ORC5: variants seen among roughly 807,000 people sequenced by gnomAD.
ORC5 encodes protein phosphatase 1, regulatory subunit 117.
Under a neutral mutation model 58.8 loss-of-function variants are expected in ORC5, and 39 were observed. The ratio of observed to expected loss-of-function variants is 0.66; its 90% CI spans 0.51 to 0.87. The LOEUF (loss-of-function observed/expected upper bound fraction) is 0.87. Among genes scored for constraint, ORC5 ranks in the 40% least tolerant of loss-of-function variants. The probability of loss-of-function intolerance (pLI) is 0.00; values close to 1 mark genes in which losing one functional copy is unlikely to be tolerated. For synonymous variants in ORC5, 218 were observed against 177.6 expected, an observed-to-expected ratio of 1.23 and a Z score of -1.81; for missense variants, 493 against 506.3, an observed-to-expected ratio of 0.97 and a Z score of 0.25.
chr7:104,189,876 A>G (rs916508957), intron 5 of ORC5, among the ~76,000 whole-genome samples: 1 of 152,196 alleles, frequency 6.6e-6, no homozygotes, highest in Non-Finnish European at 1.5e-5. Flanking sequence ...CCCAATTTAT[A>G]GCCAGTTTTC....
chr7:104,164,881 G>A (rs1799081355), intron 11 of ORC5, among the ~76,000 whole-genome samples: 1 of 152,122 alleles, frequency 6.6e-6, no homozygotes, highest in Non-Finnish European at 1.5e-5. Flanking sequence ...CATCTGCTTA[G>A]TATTTATGAG....
At position 104,166,864 on chromosome 7, in the gene ORC5, C is replaced by G. The variant is rs141275662; in HGVS notation, c.898G>C (p.Val300Leu). 5 of 1,606,470 alleles carry G rather than the reference C, an allele frequency of 3.1e-6. No individual in the cohort carries two copies. The highest frequency in any genetic ancestry group is 4.3e-6 in the Non-Finnish European group (5 of 1,173,446). ...AACTTAGAGTAATATGGAAGTTCCA[C>G]ATGAGTATGCGCTGAGAGGCCTATA... ...QLKGLSAHTH[V>L]ELPYYSKFIL... The change falls in exon 10 of 14, where the codon GTG becomes CTG. Residue 300 changes from valine (V) to leucine (L), a missense_variant. Around this residue, in one of 3 missense-constraint regions of ORC5, gnomAD observed 412 missense variants for 403.7 expected, o/e 1.02. Coordinates refer to ENST00000297431, the MANE Select transcript of ORC5 (RefSeq NM_002553.4).
At chr7:104,178,428 T>C (rs1799366162) in intron 8 of ORC5, among the ~76,000 whole-genome samples, 1 of 152,218 alleles carries the variant, frequency 6.6e-6, no homozygotes, top group Non-Finnish European at 1.5e-5. Flanking sequence ...TCTTGTAAGT[T>C]TGTTAAAGTT....
intron 12 of ORC5, among the ~76,000 whole-genome samples, chr7:104,155,519 T>A (rs747804228): frequency 6.3e-4 from 95 of 151,502 alleles, no homozygotes; most frequent in African/African-American, 2.2e-3. Context: ...ATTATTAAAA[T>A]AAAACCTTTT....
At chr7:104,127,017 A>C in intron 13 of ORC5, 124 bp from the exon 14 acceptor site, 1 of 573,166 alleles carries the variant, frequency 1.7e-6, no homozygotes, top group Admixed American at 3.3e-5. Context: ...GTGCTATCAA[A>C]TGCACCCTGA....
intron 8 of ORC5, among the ~76,000 whole-genome samples, chr7:104,177,109 C>A (rs1177340901): frequency 6.6e-6 from 1 of 152,158 alleles, no homozygotes; most frequent in African/African-American, 2.4e-5. Flanking sequence ...ATGGAAATAG[C>A]TTGAACTAAT....
At chr7:104,187,783 G>T in intron 6 of ORC5, 3 of 983,058 alleles carry the variant, frequency 3.1e-6, no homozygotes, top group Non-Finnish European at 2.4e-6. Flanking sequence ...AGTGGTTAAT[G>T]AAAGACCTGC....
chr7:104,128,403 G>A (rs960981215), intron 13 of ORC5, among the ~76,000 whole-genome samples: 3 of 152,178 alleles, frequency 2.0e-5, no homozygotes, highest in Admixed American at 6.5e-5. Flanking sequence ...GATCACAGGC[G>A]TGAGCCACCG....
Position 104,184,156 on chromosome 7 carries a change from GA to G in ORC5, c.699del (p.Pro234LeufsTer28). ...KELRHLAVLN[F>X]PKYCEPVVKG... ...TTAACCACGGGTTCACAATATTTAG[GA>G]AAATTAAGTACTGCCTGTAAGTAAA... On this transcript the variant is annotated frameshift_variant, in exon 7 of 14. Coordinates refer to ENST00000297431, the MANE Select transcript of ORC5 (RefSeq NM_002553.4). LOFTEE classifies it high-confidence loss of function. 1.3e-6 allele frequency: 2 copies of G among 1,568,048 alleles called. No individual in the cohort carries two copies. The highest frequency in any genetic ancestry group is 1.7e-6 in the Non-Finnish European group (2 of 1,149,840).
At chr7:104,168,679 CAAAAT>C (rs1487708403) in intron 8 of ORC5, among the ~76,000 whole-genome samples, 154 bp from the exon 9 acceptor site, 6 of 143,756 alleles carry the variant, frequency 4.2e-5, no homozygotes, top group African/African-American at 1.2e-4. Flanking sequence ...TGTACCTGTA[CAAAAT>C]AATTTAATGT....
chr7:104,144,673 C>T (rs764283692), intron 12 of ORC5, among the ~76,000 whole-genome samples: 1 of 152,182 alleles, frequency 6.6e-6, no homozygotes, highest in East Asian at 1.9e-4. Flanking sequence ...AGGAGAATCG[C>T]TTTAACTTGG....
At chr7:104,181,386 T>C (rs917113935) in intron 8 of ORC5, among the ~76,000 whole-genome samples, 10 of 152,128 alleles carry the variant, frequency 6.6e-5, no homozygotes, top group African/African-American at 2.4e-4. Context: ...CTTGAAAATA[T>C]GTTTATTCAC....
intron 8 of ORC5, among the ~76,000 whole-genome samples, chr7:104,169,515 TA>T (rs34859463): frequency 0.015 from 2,262 of 151,154 alleles, 59 homozygotes; most frequent in African/African-American, 0.052. Flanking sequence ...AGTTTACTCA[TA>T]AAAAAAAATA....
intron 5 of ORC5, among the ~76,000 whole-genome samples, chr7:104,189,319 A>G (rs991770922): frequency 1.3e-5 from 2 of 152,170 alleles, no homozygotes; most frequent in African/African-American, 4.8e-5. Context: ...GAGTGCCAGC[A>G]GGGAAAATGC....
chr7:104,162,688 T>C (rs1473628318), intron 11 of ORC5, among the ~76,000 whole-genome samples: 1 of 152,222 alleles, frequency 6.6e-6, no homozygotes, highest in Non-Finnish European at 1.5e-5. Context: ...GAAGTGAATA[T>C]AATGAATACC....
chr7:104,163,538 G>A (rs1394471247), intron 11 of ORC5, among the ~76,000 whole-genome samples: 1 of 152,202 alleles, frequency 6.6e-6, no homozygotes. Context: ...CCAGGCTGGA[G>A]TGTAGTAGCG....
At chr7:104,184,253 A>G in intron 6 of ORC5, 82 bp from the exon 7 acceptor site, 1 of 884,176 alleles carries the variant, frequency 1.1e-6, no homozygotes, top group Non-Finnish European at 1.7e-6. Flanking sequence ...TAAAATCTGT[A>G]TTGCAGTTCA....
chr7:104,133,772 T>C lies in ORC5; in HGVS notation c.1262+3009A>G, dbSNP rs1798548448. 6.6e-6 allele frequency among the ~76,000 whole-genome samples: 1 copy of C among 152,072 alleles called. No individual in the cohort carries two copies. On this transcript the variant is annotated intron_variant, in intron 13 of 13. Coordinates refer to ENST00000297431, the MANE Select transcript of ORC5 (RefSeq NM_002553.4). The surrounding 1 kb of genome is among the most constrained non-coding windows in gnomAD (Gnocchi z 4.7). ...GGTCAGATGGTAAAGATAGCCTTTGTTAGTAAAAACAACCAAAGAATAAAG... is the reference window on the plus strand; with the variant it reads ...GGTCAGATGGTAAAGATAGCCTTTGCTAGTAAAAACAACCAAAGAATAAAG...
chr7:104,158,580 A>G (rs191437787), intron 12 of ORC5, among the ~76,000 whole-genome samples: 5,752 of 150,440 alleles, frequency 0.038, 375 homozygotes, highest in African/African-American at 0.14. Flanking sequence ...CTACTCATCT[A>G]ACAAAGGGCT....
Sources: gnomAD v4.1 joint callset for allele counts (sites outside exome capture counted in the v4.1 genomes callset) on GRCh38, gnomAD v4.1.1 for gene constraint, gnomAD v4.1.1 regional missense constraint, Gnocchi (gnomAD v3.1) non-coding constraint, MANE v1.5 for transcripts, NCBI Gene and HGNC (gene_info 2026-07-23, HGNC 2026-07-21) for gene names.